The following CAMTA1 variants were observed in gnomAD, a reference collection of about 807,000 sequenced individuals.
The protein encoded by CAMTA1 is calmodulin-binding transcription activator 1.
Under a neutral mutation model 170.9 loss-of-function variants are expected in CAMTA1, and 27 were observed. That is an observed-to-expected ratio of 0.16 (90% CI 0.12 to 0.22). The LOEUF is 0.22. Among genes scored for constraint, CAMTA1 ranks in the 10% least tolerant of loss-of-function variants. CAMTA1 has a pLI of 1.00. For synonymous variants in CAMTA1, 833 were observed against 891.5 expected (o/e 0.93, Z 1.17); for missense variants, 1,619 against 2,217.2 (o/e 0.73, Z 5.42).
At position 7,498,596 on chromosome 1, in the gene CAMTA1, TGTGA is replaced by T. The variant is rs201951868; in HGVS notation, c.510+30699_510+30702del. Among the ~76,000 whole-genome samples the T allele has an allele frequency of 1.3e-3, 191 of 152,012 alleles. 1 individual carries two copies. Among genetic ancestry groups the T allele is most frequent in the South Asian group, 5.4e-3 (26 of 4,812 alleles). On this transcript the variant is annotated intron_variant, in intron 6 of 22. Coordinates refer to ENST00000303635, the MANE Select transcript of CAMTA1 (RefSeq NM_015215.4). Reference sequence around the variant, plus strand: ...ATATGCATGTGCATGTGTGTGTACGTGTGAGTGTGAACATCTGTGTGCAGTGTGT... The same window carrying T: ...ATATGCATGTGCATGTGTGTGTACGTGTGTGAACATCTGTGTGCAGTGTGT...
chr1:7,750,904 C>A, intron 19 of CAMTA1: 1 of 448,314 alleles, frequency 2.2e-6, no homozygotes, highest in Non-Finnish European at 4.2e-6. Context: ...TTTTTAGATT[C>A]ATAAACGTCT....
At chr1:7,647,008 G>A (rs1036436411) in intron 7 of CAMTA1, among the ~76,000 whole-genome samples, 6 of 152,288 alleles carry the variant, frequency 3.9e-5, no homozygotes, top group East Asian at 1.9e-4. Flanking sequence ...ACCGGGCCTC[G>A]GATGGGGTGG....
chr1:7,217,095 A>C (rs996921403), intron 4 of CAMTA1, among the ~76,000 whole-genome samples: 12 of 152,172 alleles, frequency 7.9e-5, no homozygotes, highest in African/African-American at 2.9e-4. Context: ...GAATTGTAAC[A>C]ATCCCCATGT....
At chr1:7,175,930 T>G (rs1028379638) in intron 4 of CAMTA1, among the ~76,000 whole-genome samples, 2 of 152,222 alleles carry the variant, frequency 1.3e-5, no homozygotes, top group African/African-American at 4.8e-5. Flanking sequence ...ATTGATCTTG[T>G]CGGTGGTCCC....
At chr1:6,848,756 G>C (rs1244828884) in intron 3 of CAMTA1, among the ~76,000 whole-genome samples, 1 of 152,116 alleles carries the variant, frequency 6.6e-6, no homozygotes, top group Non-Finnish European at 1.5e-5. Context: ...CAAGAGAAAA[G>C]GTAGATTTTA....
At chr1:7,382,757 T>C (rs1373978586) in intron 5 of CAMTA1, 4 of 152,156 alleles carry the variant, frequency 2.6e-5, no homozygotes, top group Non-Finnish European at 5.9e-5. Context: ...CAACAATATT[T>C]GACATAAAAC....
At chr1:7,587,281 C>T (rs894511131) in intron 6 of CAMTA1, among the ~76,000 whole-genome samples, 1 of 152,010 alleles carries the variant, frequency 6.6e-6, no homozygotes, top group Non-Finnish European at 1.5e-5. Context: ...TGGCAGAGCC[C>T]TGGCCAGACA....
At chr1:7,483,178 GGAAA>G (rs1389305930) in intron 6 of CAMTA1, among the ~76,000 whole-genome samples, 1 of 152,214 alleles carries the variant, frequency 6.6e-6, no homozygotes, top group Non-Finnish European at 1.5e-5. Context: ...AGGCAGTGAG[GGAAA>G]GAGAGGCATG....
rs1194613962 is a variant in CAMTA1 at position 7,041,726 on chromosome 1, A to G, written c.235-49578A>G. ...TCCTCGTAGATAAAGGAAAATTGAG[A>G]CGATATTGATATTCTACATCCGTTT... On this transcript the variant is annotated intron_variant, in intron 3 of 22. Coordinates refer to ENST00000303635, the MANE Select transcript of CAMTA1 (RefSeq NM_015215.4). The surrounding 1 kb of genome is among the most constrained non-coding windows in gnomAD (Gnocchi z 5.1). 6.6e-6 allele frequency among the ~76,000 whole-genome samples: 1 copy of G among 152,218 alleles called. No individual in the cohort carries two copies.
At chr1:7,220,072 C>A (rs1299666921) in intron 4 of CAMTA1, among the ~76,000 whole-genome samples, 1 of 152,294 alleles carries the variant, frequency 6.6e-6, no homozygotes, top group East Asian at 1.9e-4. Flanking sequence ...GCCTCTGGTA[C>A]TTTGTTACGG....
At chr1:7,396,708 A>G (rs2089337237) in intron 5 of CAMTA1, among the ~76,000 whole-genome samples, 1 of 152,170 alleles carries the variant, frequency 6.6e-6, no homozygotes, top group African/African-American at 2.4e-5. Context: ...TGATGAAGGG[A>G]TGTCAAATTT....
chr1:6,892,592 CTTTTCT>C (rs1050611054), intron 3 of CAMTA1, among the ~76,000 whole-genome samples: 4 of 120,682 alleles, frequency 3.3e-5, no homozygotes, highest in African/African-American at 8.8e-5. Flanking sequence ...AAATTTTTTT[CTTTTCT>C]TTTTTTTTTT....
chr1:7,273,747 A>G (rs573026785), intron 5 of CAMTA1, among the ~76,000 whole-genome samples: 15 of 152,334 alleles, frequency 9.8e-5, no homozygotes, highest in Admixed American at 7.2e-4. Flanking sequence ...TTATAGCTCA[A>G]AAATATGTTT....
At chr1:7,461,358 C>T (rs551491443) in intron 5 of CAMTA1, among the ~76,000 whole-genome samples, 2 of 152,340 alleles carry the variant, frequency 1.3e-5, no homozygotes, top group East Asian at 3.9e-4. Flanking sequence ...GACCCTAACC[C>T]ATGTTCTCTA....
intron 5 of CAMTA1, among the ~76,000 whole-genome samples, chr1:7,453,127 G>T (rs2092868643): frequency 6.6e-6 from 1 of 152,242 alleles, no homozygotes; most frequent in Admixed American, 6.5e-5. Context: ...GAGAGTCCGA[G>T]CTCCCAGCAG....
At chr1:7,488,525 A>G (rs1223537301) in intron 6 of CAMTA1, among the ~76,000 whole-genome samples, 5 of 152,106 alleles carry the variant, frequency 3.3e-5, no homozygotes, top group Admixed American at 3.3e-4. Flanking sequence ...ACATGTACAC[A>G]CAATACACAT....
At chr1:7,142,790 C>A (rs925264387) in intron 4 of CAMTA1, among the ~76,000 whole-genome samples, 1 of 151,770 alleles carries the variant, frequency 6.6e-6, no homozygotes, top group African/African-American at 2.4e-5. Flanking sequence ...GTACAGCCTG[C>A]AGAACTGTGA....
At chr1:7,657,698 G>A (rs988114638) in intron 7 of CAMTA1, among the ~76,000 whole-genome samples, 19 of 152,154 alleles carry the variant, frequency 1.2e-4, no homozygotes, top group African/African-American at 3.4e-4. Context: ...GTTAAAAGCC[G>A]TCTTGATACT....
chr1:7,114,638 C>T (rs187029650), intron 4 of CAMTA1, among the ~76,000 whole-genome samples: 2 of 152,328 alleles, frequency 1.3e-5, no homozygotes, highest in African/African-American at 4.8e-5. Flanking sequence ...GCCAAATAAT[C>T]CCAAAATCTG....
Sources: gnomAD v4.1 joint callset for allele counts (sites outside exome capture counted in the v4.1 genomes callset) on GRCh38, gnomAD v4.1.1 for gene constraint, Gnocchi (gnomAD v3.1) non-coding constraint, MANE v1.5 for transcripts, NCBI Gene and HGNC (gene_info 2026-07-23, HGNC 2026-07-21) for gene names.